RNASEH1: variants seen among roughly 807,000 people sequenced by gnomAD.
RNASEH1 encodes the protein ribonuclease H type II.
RNASEH1 carries 27 observed loss-of-function variants against 34.6 expected under a neutral mutation model. That is an observed-to-expected ratio of 0.78 (90% CI 0.58 to 1.08). The LOEUF is 1.08. RNASEH1 is among the 50% of genes least tolerant of loss of function. RNASEH1 has a pLI of 0.00. For synonymous variants in RNASEH1, 162 were observed against 138.4 expected (o/e 1.17, Z -1.20); for missense variants, 349 against 373.6 (o/e 0.93, Z 0.54).
At chr2:3,538,141 G>C (rs1470210124), downstream of RNASEH1, among the ~76,000 whole-genome samples, 1 of 151,862 alleles carries the variant, frequency 6.6e-6, no homozygotes, top group Non-Finnish European at 1.5e-5. Context: ...ATGAGGTCGG[G>C]AGTCGGAGAC....
intron 7 of RNASEH1, among the ~76,000 whole-genome samples, chr2:3,547,388 C>T (rs1668856091): frequency 6.6e-6 from 1 of 151,952 alleles, no homozygotes; most frequent in African/African-American, 2.4e-5. Flanking sequence ...GTTATCCAGG[C>T]TGGTCTCGAA....
chr2:3,556,704 G>A, intron 2 of RNASEH1, 85 bp downstream of exon 2: 2 of 834,206 alleles, frequency 2.4e-6, no homozygotes, highest in Non-Finnish European at 4.1e-6. Context: ...CATGCCTAGA[G>A]GGTAGCTATA....
chr2:3,539,095 A>AT (rs1491463769), downstream of RNASEH1, among the ~76,000 whole-genome samples: 3 of 152,026 alleles, frequency 2.0e-5, no homozygotes, highest in Non-Finnish European at 4.4e-5. Flanking sequence ...GTCCTTTGTG[A>AT]TATGAGTTGC....
At chr2:3,557,240 T>C (rs1324001253) in intron 1 of RNASEH1, among the ~76,000 whole-genome samples, 2 of 152,222 alleles carry the variant, frequency 1.3e-5, no homozygotes, top group Admixed American at 1.3e-4. Context: ...TTTTGATCTA[T>C]GGTTAGCTGA....
chr2:3,550,102 C>A, intron 4 of RNASEH1: 2 of 392,414 alleles, frequency 5.1e-6, no homozygotes, highest in Non-Finnish European at 9.4e-6. Flanking sequence ...GTGTTTGTGC[C>A]ACTGTACTCC....
At chr2:3,557,150 A>T (rs1190807927) in intron 1 of RNASEH1, among the ~76,000 whole-genome samples, 1 of 152,212 alleles carries the variant, frequency 6.6e-6, no homozygotes, top group African/African-American at 2.4e-5. Flanking sequence ...AGTTTATAAT[A>T]CCTAATACAA....
chr2:3,552,101 C>T (rs767266368), intron 3 of RNASEH1, 43 bp downstream of exon 3: 4 of 1,547,690 alleles, frequency 2.6e-6, no homozygotes, highest in Admixed American at 1.9e-5. Context: ...ATAACATTTT[C>T]CTGACTGTGG....
At chr2:3,548,100 G>A in intron 6 of RNASEH1, 45 bp from the exon 7 acceptor site, 2 of 1,610,378 alleles carry the variant, frequency 1.2e-6, no homozygotes, top group Non-Finnish European at 1.7e-6. Flanking sequence ...TGAGTGTCCT[G>A]CCTTTTTCAC....
intron 2 of RNASEH1, among the ~76,000 whole-genome samples, chr2:3,552,535 C>CA (rs1660063367): frequency 8.9e-6 from 1 of 112,940 alleles, no homozygotes; most frequent in African/African-American, 3.5e-5. Context: ...CCCTCCACAC[C>CA]ACCTCCACCC....
chr2:3,532,588 G>C, the RNASEH1 span, among the ~76,000 whole-genome samples: 2 of 152,112 alleles, frequency 1.3e-5, no homozygotes, highest in Admixed American at 1.3e-4. Flanking sequence ...TGTACAGCAG[G>C]TCACTGCTCT....
chr2:3,548,034 C>A lies in RNASEH1; in HGVS notation c.671G>T (p.Gly224Val). The change falls in exon 7 of 8, where the codon GGT (glycine) becomes GTT (valine). Residue 224 changes from glycine to valine, a missense_variant. By Grantham distance (109) the Gly-to-Val change is moderately radical. Around this residue, in one of 2 missense-constraint regions of RNASEH1, gnomAD observed 93 missense variants for 132.9 expected, o/e 0.70. Coordinates refer to ENST00000315212, the MANE Select transcript of RNASEH1 (RefSeq NM_002936.6). ...TINGITNWVQ[G>V]WKKNGWKTSA... Reference sequence around the variant, plus strand: ...TGTCTTCCACCCATTTTTCTTCCAACCTTGAACCCAGTTAGTTATACCTAC... The same window carrying A: ...TGTCTTCCACCCATTTTTCTTCCAAACTTGAACCCAGTTAGTTATACCTAC... 1 of 1,614,102 alleles carries A rather than the reference C, an allele frequency of 6.2e-7. No homozygotes were observed. Among genetic ancestry groups the A allele is most frequent in the South Asian group, 1.1e-5 (1 of 91,066 alleles).
chr2:3,555,239 A>G (rs1660371045), intron 2 of RNASEH1, among the ~76,000 whole-genome samples: 1 of 152,050 alleles, frequency 6.6e-6, no homozygotes, highest in African/African-American at 2.4e-5. Context: ...CTCAAGTTCT[A>G]TTAACTTAAG....
the RNASEH1 span, among the ~76,000 whole-genome samples, chr2:3,534,544 C>T: frequency 3.3e-5 from 5 of 152,264 alleles, no homozygotes; most frequent in Non-Finnish European, 5.9e-5. Flanking sequence ...GGTGCCACCA[C>T]GTTCCCCTCA....
In RNASEH1 at chr2:3,548,702, T is replaced by C. The variant is rs778453386; in HGVS notation, c.587A>G (p.Gln196Arg). 1 of 1,613,252 alleles carries C rather than the reference T, an allele frequency of 6.2e-7. No individual in the cohort carries two copies. The highest frequency in any genetic ancestry group is 8.5e-7 in the Non-Finnish European group (1 of 1,179,270). ...TTTATTGATGTTTTGAGTCTTTGCT[T>C]GTTCAATGGCTTTGCAGGCTGCCTT... Reference protein sequence around the residue: ...EIHAACKAIEQAKTQNINKLV... With the variant: ...EIHAACKAIERAKTQNINKLV... Residue 196 changes from glutamine to arginine, a missense_variant, in exon 6 of 8, where the codon CAA becomes CGA. This residue lies in a region of RNASEH1 where 93 missense variants were observed against 132.9 expected (regional missense o/e 0.70). Coordinates refer to ENST00000315212, the MANE Select transcript of RNASEH1 (RefSeq NM_002936.6).
At position 3,543,460 on chromosome 2, in the gene RNASEH1, GTGCACACATGTA is replaced by G. The variant is rs573246487; in HGVS notation, c.*2313_*2324del. The stretch of plus-strand genomic sequence containing the variant: ...CTATCAATGACTGTGCGTGTGGTCT[GTGCACACATGTA>G]TGCACACATGTGCACACTTATCAAA... On this transcript the variant is annotated 3_prime_UTR_variant, in exon 8 of 8. Transcript: ENST00000315212. Among the ~76,000 whole-genome samples, 949 of 152,164 alleles carry G rather than the reference GTGCACACATGTA, an allele frequency of 6.2e-3. 6 individuals carry two copies. The highest frequency in any genetic ancestry group is 0.021 in the African/African-American group (891 of 41,466).
intron 2 of RNASEH1, among the ~76,000 whole-genome samples, chr2:3,553,341 T>G (rs149967876): frequency 6.6e-6 from 1 of 151,862 alleles, no homozygotes; most frequent in Admixed American, 6.5e-5. Flanking sequence ...TGCAACAAAG[T>G]TTTTCTTCTG....
Position 3,542,758 on chromosome 2 carries a change from G to A in RNASEH1, c.*3027C>T, listed in dbSNP as rs996724971. Among the ~76,000 whole-genome samples the A allele has an allele frequency of 1.2e-4, 18 of 152,200 alleles. No homozygotes were observed. The highest frequency in any genetic ancestry group is 2.1e-4 in the Non-Finnish European group (14 of 68,036). On this transcript the variant is annotated 3_prime_UTR_variant, in exon 8 of 8. Transcript: ENST00000315212. The stretch of plus-strand genomic sequence containing the variant: ...CCTGTGTCTTGAGAAGCAGGATTCC[G>A]AGTGCAGGAGACACAGACATCATAT...
chr2:3,550,318 T>A, intron 4 of RNASEH1, 55 bp downstream of exon 4: 2 of 1,387,562 alleles, frequency 1.4e-6, no homozygotes, highest in East Asian at 2.3e-5. Context: ...TCCCGCCTCA[T>A]CTTTTCACAA....
At position 3,545,852 on chromosome 2, in the gene RNASEH1, G is replaced by A. The variant is rs112601494; in HGVS notation, c.794C>T (p.Ser265Leu). ...DIQWMHVPGH[S>L]GFIGNEEADR... ...AGCTTCTTCATTGCCTATAAATCCC[G>A]AATGACCAGGAACATGCATCTGTTA... Residue 265 changes from serine to leucine, a missense_variant, in exon 8 of 8, where the codon TCG becomes TTG. By Grantham distance (145) the Ser-to-Leu change is moderately radical. Transcript: ENST00000315212. 1.1e-5 allele frequency: 18 copies of A among 1,612,156 alleles called. No homozygotes were observed. Among genetic ancestry groups the A allele is most frequent in the African/African-American group, 4.0e-5 (3 of 74,876 alleles).
Sources: allele counts gnomAD v4.1 joint callset (sites outside exome capture counted in the v4.1 genomes callset), GRCh38; gene constraint gnomAD v4.1.1; regional missense constraint gnomAD v4.1.1; transcripts MANE v1.5; gene names NCBI Gene and HGNC (gene_info 2026-07-23, HGNC 2026-07-21).